Variants in PDCD6IP observed in about 807,000 individuals in gnomAD.
PDCD6IP encodes programmed cell death 6 interacting protein.
PDCD6IP carries 43 observed loss-of-function variants against 103.7 expected under a neutral mutation model. The ratio of observed to expected loss-of-function variants is 0.41; its 90% CI spans 0.32 to 0.53. PDCD6IP has a LOEUF of 0.53. PDCD6IP is among the 20% of genes least tolerant of loss of function. The pLI is 0.16. For synonymous variants in PDCD6IP, 354 were observed against 378.7 expected, an observed-to-expected ratio of 0.93 and a Z score of 0.76; for missense variants, 871 against 1,036.7, an observed-to-expected ratio of 0.84 and a Z score of 2.20.
intron 6 of PDCD6IP, chr3:33,828,108 T>C (rs1299962358): frequency 6.6e-6 from 1 of 152,196 alleles, no homozygotes; most frequent in Non-Finnish European, 1.5e-5. Flanking sequence ...CCACCACTAG[T>C]ATAATTGCTT....
intron 6 of PDCD6IP, chr3:33,827,247 A>G (rs1026630991): frequency 3.1e-6 from 3 of 952,386 alleles, no homozygotes; most frequent in African/African-American, 3.5e-5. Context: ...TGATTAATAA[A>G]GAAAACTTAA....
At chr3:33,812,436 G>A (rs1313208877) in intron 2 of PDCD6IP, among the ~76,000 whole-genome samples, 1 of 152,156 alleles carries the variant, frequency 6.6e-6, no homozygotes, top group Admixed American at 6.5e-5. Context: ...GAATTAGGAA[G>A]GAAACTGCAC....
chr3:33,851,838 A>G (rs1295635011), intron 12 of PDCD6IP, among the ~76,000 whole-genome samples: 1 of 152,148 alleles, frequency 6.6e-6, no homozygotes, highest in Admixed American at 6.5e-5. Flanking sequence ...TAAATGTGGT[A>G]TATACACTTA....
chr3:33,821,219 A>T (rs1307158318), intron 3 of PDCD6IP, among the ~76,000 whole-genome samples: 1 of 151,018 alleles, frequency 6.6e-6, no homozygotes, highest in African/African-American at 2.4e-5. Flanking sequence ...TGTGTTGCTC[A>T]GGCTGACCTC....
chr3:33,844,555 G>A (rs1372355610), intron 11 of PDCD6IP, among the ~76,000 whole-genome samples: 97 of 152,008 alleles, frequency 6.4e-4, no homozygotes, highest in Non-Finnish European at 2.5e-4. Flanking sequence ...ATCACAGCTC[G>A]CTGCAGCCCC....
At chr3:33,840,414 T>C (rs1697443155) in intron 9 of PDCD6IP, among the ~76,000 whole-genome samples, 1 of 152,320 alleles carries the variant, frequency 6.6e-6, no homozygotes, top group East Asian at 1.9e-4. Flanking sequence ...CACGGACTCA[T>C]GTAGTTCAAA....
intron 5 of PDCD6IP, 46 bp downstream of exon 5, chr3:33,825,386 G>A: frequency 1.4e-6 from 2 of 1,481,408 alleles, no homozygotes; most frequent in Non-Finnish European, 9.2e-7. Flanking sequence ...AAAGTGATAA[G>A]GCTTTTAAAT....
chr3:33,834,201 G>T (rs760319906), intron 7 of PDCD6IP, among the ~76,000 whole-genome samples: 1 of 151,904 alleles, frequency 6.6e-6, no homozygotes, highest in Non-Finnish European at 1.5e-5. Context: ...ATTTTTTTCT[G>T]TGGTCCCCTG....
intron 17 of PDCD6IP, 149 bp from the exon 18 acceptor site, chr3:33,866,202 G>T (rs1698060931): frequency 2.1e-6 from 1 of 471,560 alleles, no homozygotes. Context: ...TCTGACAAGT[G>T]CCTTGAAACA....
chr3:33,834,488 C>T (rs1697306601), intron 7 of PDCD6IP, among the ~76,000 whole-genome samples: 1 of 152,144 alleles, frequency 6.6e-6, no homozygotes, highest in Non-Finnish European at 1.5e-5. Flanking sequence ...CTAGTTTACA[C>T]TGAAGGGTAG....
chr3:33,858,890 A>G (rs1697889285), intron 15 of PDCD6IP, among the ~76,000 whole-genome samples: 1 of 152,232 alleles, frequency 6.6e-6, no homozygotes, highest in Non-Finnish European at 1.5e-5. Flanking sequence ...TTGATATGCA[A>G]ACATGCTTTT....
At chr3:33,836,350 G>A in intron 8 of PDCD6IP, 84 bp downstream of exon 8, 1 of 725,872 alleles carries the variant, frequency 1.4e-6, no homozygotes, top group Admixed American at 2.4e-5. Flanking sequence ...CATAATTGCT[G>A]TTGTATGCTT....
chr3:33,861,655 A>G (rs1049260165), intron 15 of PDCD6IP, among the ~76,000 whole-genome samples: 1 of 152,192 alleles, frequency 6.6e-6, no homozygotes, highest in Non-Finnish European at 1.5e-5. Flanking sequence ...GATTGTACTA[A>G]TTTATATTCC....
At chr3:33,829,974 T>G (rs1244667383) in intron 7 of PDCD6IP, among the ~76,000 whole-genome samples, 1 of 152,162 alleles carries the variant, frequency 6.6e-6, no homozygotes, top group Non-Finnish European at 1.5e-5. Context: ...AGCCCCTCTC[T>G]TGGTAACTAA....
At chr3:33,817,442 A>G (rs1295965227) in intron 3 of PDCD6IP, among the ~76,000 whole-genome samples, 2 of 152,168 alleles carry the variant, frequency 1.3e-5, no homozygotes, top group African/African-American at 2.4e-5. Flanking sequence ...TGTTATTTTC[A>G]TGAGTTATTT....
At chr3:33,804,739 G>C (rs777773894) in intron 1 of PDCD6IP, among the ~76,000 whole-genome samples, 2 of 152,246 alleles carry the variant, frequency 1.3e-5, no homozygotes, top group Non-Finnish European at 2.9e-5. Context: ...ACTGGACTAA[G>C]ATCCTGACCT....
At position 33,798,909 on chromosome 3, in the gene PDCD6IP, C is replaced by T. The variant is rs1334838147; in HGVS notation, c.181C>T (p.His61Tyr). 6.5e-7 allele frequency: 1 copy of T among 1,542,086 alleles called. No individual in the cohort carries two copies. Residue 61 changes from histidine to tyrosine, a missense_variant, in exon 1 of 18, where the codon CAC becomes TAC. By Grantham distance (83) the His-to-Tyr change is moderately conservative. Around this residue, in one of 5 missense-constraint regions of PDCD6IP, gnomAD observed 114 missense variants for 106.7 expected, o/e 1.07. Coordinates refer to ENST00000307296, the MANE Select transcript of PDCD6IP (RefSeq NM_013374.6). ...RAAVGRPLDK[H>Y]EGALETLLRY... ...CGCAGTCGGTCGTCCGCTGGACAAG[C>T]ACGAGGGCGCGCTCGAGACGCTCCT...
intron 4 of PDCD6IP, among the ~76,000 whole-genome samples, chr3:33,824,791 G>A (rs143727727): frequency 6.6e-6 from 1 of 152,102 alleles, no homozygotes; most frequent in Non-Finnish European, 1.5e-5. Flanking sequence ...CCCTAACTAC[G>A]GCATGTTTAA....
chr3:33,845,707 G>A lies in PDCD6IP; in HGVS notation c.1641+119G>A, dbSNP rs1697578049. ...CTTTAAAAAAATGCAGAAATAAATT[G>A]GGGTTGTTATATTTAAAGTAGTATA... On this transcript the variant is annotated intron_variant, in intron 12 of 17. Transcript: ENST00000307296. 4.2e-6 allele frequency: 3 copies of A among 714,074 alleles called. No individual in the cohort carries two copies. The East Asian group carries it at 8.0e-5, about 19-fold the overall frequency. The allele number at this position is 714,074 out of a possible 1,614,324, so 44.2% of individuals were successfully genotyped here.
Sources: gnomAD v4.1 joint callset for allele counts (sites outside exome capture counted in the v4.1 genomes callset) on GRCh38, gnomAD v4.1.1 for gene constraint, gnomAD v4.1.1 regional missense constraint, MANE v1.5 for transcripts, NCBI Gene and HGNC (gene_info 2026-07-23, HGNC 2026-07-21) for gene names.